The following FUT8 variants were observed in gnomAD, a reference collection of about 807,000 sequenced individuals.
FUT8 encodes alpha-(1,6)-fucosyltransferase.
Under a neutral mutation model 71.3 loss-of-function variants are expected in FUT8, and 29 were observed. The observed-to-expected ratio is 0.41, with a 90% confidence interval of 0.30 to 0.55. The LOEUF is 0.55. Ranked by LOEUF, FUT8 falls within the 20% of genes least tolerant of loss-of-function variation. The pLI is 0.34. For missense variants in FUT8, 544 were observed against 702.1 expected, an observed-to-expected ratio of 0.77 and a Z score of 2.55; for synonymous variants, 254 against 239.3, an observed-to-expected ratio of 1.06 and a Z score of -0.57.
intron 2 of FUT8, among the ~76,000 whole-genome samples, chr14:65,487,997 A>T (rs964580736): frequency 2.0e-5 from 3 of 151,724 alleles, no homozygotes; most frequent in East Asian, 1.9e-4. Flanking sequence ...CTGGCTAAAA[A>T]TTTTTTTTAG....
intron 2 of FUT8, among the ~76,000 whole-genome samples, chr14:65,506,931 C>G (rs2066745059): frequency 1.3e-5 from 2 of 152,240 alleles, no homozygotes; most frequent in African/African-American, 4.8e-5. Context: ...CACAGATATT[C>G]TGTTTTGCCA....
chr14:65,482,904 C>T (rs1372619074), intron 2 of FUT8, among the ~76,000 whole-genome samples: 3 of 152,178 alleles, frequency 2.0e-5, no homozygotes, highest in Non-Finnish European at 1.5e-5. Flanking sequence ...ACACACTCAG[C>T]TTCTCCAGTG....
At chr14:65,547,136 A>G (rs1039325267) in intron 2 of FUT8, among the ~76,000 whole-genome samples, 1 of 150,472 alleles carries the variant, frequency 6.6e-6, no homozygotes, top group African/African-American at 2.4e-5. Context: ...TTGTGTCCTT[A>G]TGCCCTTGAT....
intron 3 of FUT8, among the ~76,000 whole-genome samples, chr14:65,586,107 G>A (rs930640335): frequency 2.6e-5 from 4 of 152,186 alleles, no homozygotes; most frequent in African/African-American, 9.6e-5. Flanking sequence ...TCCCTGAAAA[G>A]GAGAAACACA....
At chr14:65,713,698 C>A (rs528671965) in intron 7 of FUT8, among the ~76,000 whole-genome samples, 2 of 152,148 alleles carry the variant, frequency 1.3e-5, no homozygotes, top group Non-Finnish European at 2.9e-5. Flanking sequence ...AATGTCTAAT[C>A]GGATCTTTTG....
chr14:65,549,449 C>A (rs1400234402), intron 2 of FUT8, among the ~76,000 whole-genome samples: 3 of 151,922 alleles, frequency 2.0e-5, no homozygotes, highest in Non-Finnish European at 4.4e-5. Flanking sequence ...GTTTTACCCT[C>A]TAAATTATGG....
chr14:65,646,953 C>T (rs1891152059), intron 6 of FUT8, among the ~76,000 whole-genome samples: 1 of 152,144 alleles, frequency 6.6e-6, no homozygotes. Context: ...TGTTTGTGTA[C>T]TTGGATTATG....
At chr14:65,470,655 C>A (rs1045339528) in intron 2 of FUT8, among the ~76,000 whole-genome samples, 2 of 152,110 alleles carry the variant, frequency 1.3e-5, no homozygotes, top group Non-Finnish European at 2.9e-5. Flanking sequence ...CAGCAGTCGC[C>A]TGATGTGGGG....
intron 2 of FUT8, among the ~76,000 whole-genome samples, chr14:65,476,855 A>C (rs1036412931): frequency 2.0e-5 from 3 of 152,132 alleles, no homozygotes; most frequent in African/African-American, 7.2e-5. Flanking sequence ...TGAATACATT[A>C]TATGGGACTA....
chr14:65,578,823 T>C (rs1328323814), intron 3 of FUT8, among the ~76,000 whole-genome samples: 1 of 152,164 alleles, frequency 6.6e-6, no homozygotes, highest in African/African-American at 2.4e-5. Flanking sequence ...TAATGTAAAA[T>C]AGCACACTAT....
intron 7 of FUT8, among the ~76,000 whole-genome samples, chr14:65,698,745 A>T (rs537059403): frequency 6.6e-6 from 1 of 152,234 alleles, no homozygotes; most frequent in East Asian, 1.9e-4. Context: ...AAACTGTGGG[A>T]TCCCTGTTAG....
At chr14:65,378,921 A>G in the FUT8 span, among the ~76,000 whole-genome samples, 1 of 126,800 alleles carries the variant, frequency 7.9e-6, no homozygotes, top group African/African-American at 3.0e-5. Flanking sequence ...ATCTCAGCTC[A>G]CTGCAACCTC....
intron 2 of FUT8, among the ~76,000 whole-genome samples, chr14:65,559,985 A>T (rs1428143052): frequency 6.6e-6 from 1 of 152,198 alleles, no homozygotes; most frequent in African/African-American, 2.4e-5. Context: ...TGTTTTAGCC[A>T]GTGTAAATCA....
At chr14:65,567,917 G>A (rs995492127) in intron 3 of FUT8, among the ~76,000 whole-genome samples, 1 of 151,770 alleles carries the variant, frequency 6.6e-6, no homozygotes, top group Admixed American at 6.6e-5. Context: ...GGTTATCAAG[G>A]TTTATGCAGG....
At chr14:65,571,157 A>G (rs1455155912) in intron 3 of FUT8, among the ~76,000 whole-genome samples, 1 of 152,066 alleles carries the variant, frequency 6.6e-6, no homozygotes, top group Non-Finnish European at 1.5e-5. Flanking sequence ...AATTTGGCTG[A>G]AGTTTTTATT....
At chr14:65,620,156 A>T (rs1368180810) in intron 5 of FUT8, among the ~76,000 whole-genome samples, 3 of 150,858 alleles carry the variant, frequency 2.0e-5, no homozygotes, top group East Asian at 2.0e-4. Flanking sequence ...TATTTTTTTT[A>T]AATTTATTCA....
At chr14:65,696,940 C>T (rs928412062) in intron 7 of FUT8, among the ~76,000 whole-genome samples, 1 of 152,082 alleles carries the variant, frequency 6.6e-6, no homozygotes, top group African/African-American at 2.4e-5. Context: ...CTGCATTACT[C>T]ATCTATTCTT....
chr14:65,679,716 A>G (rs1248783116), intron 7 of FUT8, among the ~76,000 whole-genome samples: 1 of 152,092 alleles, frequency 6.6e-6, no homozygotes, highest in Non-Finnish European at 1.5e-5. Flanking sequence ...GTATCACATT[A>G]TACTATATGT....
chr14:65,603,144 G>A lies in FUT8; in HGVS notation c.204-12834G>A, dbSNP rs1213933862. ...TAGATTTAAGTCCTTGATCCATCTTGAGTTGATTTTTGTGTAAGGTGAGAG... is the reference window on the plus strand; with the variant it reads ...TAGATTTAAGTCCTTGATCCATCTTAAGTTGATTTTTGTGTAAGGTGAGAG... On this transcript the variant is annotated intron_variant, in intron 3 of 10. Coordinates refer to ENST00000673929, the MANE Select transcript of FUT8 (RefSeq NM_001371533.1). This position sits in a 1 kb window ranked among gnomAD's most constrained non-coding sequence, Gnocchi z 4.5. Among the ~76,000 whole-genome samples, 1 of 151,922 alleles carries A rather than the reference G, an allele frequency of 6.6e-6. No individual in the cohort carries two copies. The highest frequency in any genetic ancestry group is 1.5e-5 in the Non-Finnish European group (1 of 67,944).
Sources: gnomAD v4.1 joint callset for allele counts (sites outside exome capture counted in the v4.1 genomes callset) on GRCh38, gnomAD v4.1.1 for gene constraint, Gnocchi (gnomAD v3.1) non-coding constraint, MANE v1.5 for transcripts, NCBI Gene and HGNC (gene_info 2026-07-23, HGNC 2026-07-21) for gene names.